Variants in TEX36 observed in about 807,000 individuals in gnomAD.
The protein encoded by TEX36 is testis-expressed protein 36.
A neutral mutation model predicts 13.6 loss-of-function variants in TEX36; 12 were observed. The observed-to-expected ratio is 0.88, with a 90% CI of 0.56 to 1.43. The LOEUF is 1.43. Ranked by LOEUF, TEX36 falls within the 40% of genes most tolerant of loss-of-function variation. TEX36 has a pLI of 0.00. For synonymous variants in TEX36, 93 were observed against 83.0 expected, an observed-to-expected ratio of 1.12 and a Z score of -0.65; for missense variants, 224 against 228.3, an observed-to-expected ratio of 0.98 and a Z score of 0.12.
Position 125,611,291 on chromosome 10 carries a change from C to T in TEX36, c.265-34417G>A, listed in dbSNP as rs148199765. The stretch of plus-strand genomic sequence containing the variant: ...ATATTTTTAAAGTAGTTGATAGATA[C>T]TGCCAAATTGCCCTCCAGAAAAATT... On this transcript the variant is annotated intron_variant, in intron 3 of 3. Transcript: ENST00000532135. Among the ~76,000 whole-genome samples the T allele has an allele frequency of 2.4e-3, 361 of 152,312 alleles. 2 individuals are homozygous for T. Among genetic ancestry groups the T allele is most frequent in the African/African-American group, 8.2e-3 (342 of 41,562 alleles).
chr10:125,604,873 A>G (rs1479586014), intron 3 of TEX36, among the ~76,000 whole-genome samples: 1 of 151,726 alleles, frequency 6.6e-6, no homozygotes, highest in African/African-American at 2.4e-5. Context: ...TATTACCCCC[A>G]GAAGGGACTA....
chr10:125,645,812 AT>A (rs1228818223), intron 3 of TEX36, among the ~76,000 whole-genome samples: 2 of 152,174 alleles, frequency 1.3e-5, no homozygotes, highest in African/African-American at 2.4e-5. Context: ...CTAAAAAAAA[AT>A]ATGTAAAAGG....
At chr10:125,606,465 T>A (rs879514648) in intron 3 of TEX36, among the ~76,000 whole-genome samples, 2 of 152,222 alleles carry the variant, frequency 1.3e-5, no homozygotes, top group African/African-American at 2.4e-5. Context: ...CAAATCAGTA[T>A]CAACCTGACC....
chr10:125,610,275 A>G (rs1300035528), intron 3 of TEX36, among the ~76,000 whole-genome samples: 1 of 152,218 alleles, frequency 6.6e-6, no homozygotes, highest in East Asian at 1.9e-4. Context: ...TTACTTTCTT[A>G]ATAAACTTGC....
chr10:125,611,746 T>C (rs551759529), intron 3 of TEX36, among the ~76,000 whole-genome samples: 1 of 152,294 alleles, frequency 6.6e-6, no homozygotes, highest in South Asian at 2.1e-4. Flanking sequence ...GCAATGTTTT[T>C]CCTTAGTATT....
intron 1 of TEX36, among the ~76,000 whole-genome samples, chr10:125,677,913 C>T (rs908846510): frequency 1.2e-4 from 18 of 152,178 alleles, no homozygotes; most frequent in Admixed American, 6.5e-5. Flanking sequence ...AACTCCTGAC[C>T]TCAAATAATC....
intron 3 of TEX36, among the ~76,000 whole-genome samples, chr10:125,613,515 G>A (rs1589754886): frequency 1.4e-5 from 2 of 140,762 alleles, no homozygotes; most frequent in Non-Finnish European, 3.0e-5. Context: ...TCACCTATGA[G>A]TTAGAATATG....
intron 3 of TEX36, among the ~76,000 whole-genome samples, chr10:125,643,060 G>T (rs778348671): frequency 3.3e-5 from 5 of 152,302 alleles, no homozygotes; most frequent in South Asian, 2.1e-4. Context: ...ATTTGACGAG[G>T]TTATTCATAG....
At chr10:125,600,222 C>T (rs138861861) in intron 3 of TEX36, among the ~76,000 whole-genome samples, 286 of 152,262 alleles carry the variant, frequency 1.9e-3, no homozygotes, top group African/African-American at 6.3e-3. Context: ...CATGAGAAAA[C>T]TAAAATTTTG....
intron 3 of TEX36, among the ~76,000 whole-genome samples, chr10:125,625,273 A>G (rs1164883494): frequency 6.6e-6 from 1 of 152,206 alleles, no homozygotes; most frequent in Non-Finnish European, 1.5e-5. Flanking sequence ...GCACAAAGTA[A>G]ATGTTCAATT....
chr10:125,660,838 C>T (rs1163929495), intron 3 of TEX36, among the ~76,000 whole-genome samples, 183 bp downstream of exon 3: 2 of 146,912 alleles, frequency 1.4e-5, no homozygotes, highest in African/African-American at 2.5e-5. Context: ...TTGAAAGCGG[C>T]GTGGAATTCT....
intron 3 of TEX36, among the ~76,000 whole-genome samples, chr10:125,589,081 A>G (rs1845992438): frequency 6.6e-6 from 1 of 152,240 alleles, no homozygotes; most frequent in Non-Finnish European, 1.5e-5. Context: ...AAAACATCAA[A>G]CAATATCAGA....
At chr10:125,635,045 A>G (rs1846606103) in intron 3 of TEX36, among the ~76,000 whole-genome samples, 1 of 152,224 alleles carries the variant, frequency 6.6e-6, no homozygotes, top group Admixed American at 6.5e-5. Flanking sequence ...GATTAAGGCC[A>G]CACCAGACGC....
intron 1 of TEX36, among the ~76,000 whole-genome samples, chr10:125,676,289 C>T (rs1847310088): frequency 6.6e-6 from 1 of 152,312 alleles, no homozygotes; most frequent in South Asian, 2.1e-4. Flanking sequence ...AATCTGGGTG[C>T]TCCAGTGTTG....
chr10:125,640,233 GGAA>G, intron 3 of TEX36: 1 of 984,320 alleles, frequency 1.0e-6, no homozygotes, highest in East Asian at 1.1e-4. Context: ...CAGGAGGAGA[GGAA>G]GAAGGGAAGA....
At chr10:125,669,142 T>A (rs919824196) in intron 1 of TEX36, among the ~76,000 whole-genome samples, 1 of 151,960 alleles carries the variant, frequency 6.6e-6, no homozygotes, top group Non-Finnish European at 1.5e-5. Context: ...AGTACAAAAA[T>A]TAGCTGGGTG....
chr10:125,650,175 T>C (rs376640776), intron 3 of TEX36, among the ~76,000 whole-genome samples: 23 of 152,062 alleles, frequency 1.5e-4, no homozygotes, highest in African/African-American at 2.9e-4. Context: ...ACTCTCCACC[T>C]CAAATCAACA....
chr10:125,606,577 T>G (rs1287231306), intron 3 of TEX36, among the ~76,000 whole-genome samples: 1 of 152,210 alleles, frequency 6.6e-6, no homozygotes, highest in Non-Finnish European at 1.5e-5. Flanking sequence ...TGCTGTGCTG[T>G]AGCTTATCAG....
intron 3 of TEX36, among the ~76,000 whole-genome samples, chr10:125,627,392 C>T (rs1052749233): frequency 6.6e-6 from 1 of 152,078 alleles, no homozygotes; most frequent in African/African-American, 2.4e-5. Flanking sequence ...CAGTATTCAG[C>T]CAGTAATTTA....
Sources: allele counts gnomAD v4.1 joint callset (sites outside exome capture counted in the v4.1 genomes callset), GRCh38; gene constraint gnomAD v4.1.1; transcripts MANE v1.5; gene names NCBI Gene and HGNC (gene_info 2026-07-23, HGNC 2026-07-21).